Variants in CBL observed in about 807,000 individuals in gnomAD.
CBL encodes the protein Cbl proto-oncogene, also known as E3 ubiquitin-protein ligase CBL.
In CBL, 45 loss-of-function variants were observed where a neutral mutation model predicts 96.9. The observed-to-expected ratio is 0.46, with a 90% CI of 0.37 to 0.60. The LOEUF (loss-of-function observed/expected upper bound fraction) is 0.60. Ranked by LOEUF, CBL falls within the 20% of genes least tolerant of loss-of-function variation. The probability of loss-of-function intolerance (pLI) is 0.00; values close to 1 mark genes in which losing one functional copy is unlikely to be tolerated. For missense variants in CBL, 1,024 were observed against 1,143.5 expected, an observed-to-expected ratio of 0.90 and a Z score of 1.51; for synonymous variants, 420 against 426.8, an observed-to-expected ratio of 0.98 and a Z score of 0.20.
At chr11:119,259,047 G>A (rs987026621) in intron 2 of CBL, among the ~76,000 whole-genome samples, 7 of 152,136 alleles carry the variant, frequency 4.6e-5, no homozygotes, top group Non-Finnish European at 7.4e-5. Flanking sequence ...TTCAGCTATT[G>A]TAAAAGGGAT....
chr11:119,221,740 C>G (rs1408695965), intron 1 of CBL, among the ~76,000 whole-genome samples: 1 of 148,046 alleles, frequency 6.8e-6, no homozygotes, highest in East Asian at 2.0e-4. Context: ...GCACTCCAGC[C>G]TGGGCAACAG....
chr11:119,229,220 T>A (rs1362994237), intron 1 of CBL, among the ~76,000 whole-genome samples: 3 of 152,204 alleles, frequency 2.0e-5, no homozygotes, highest in Non-Finnish European at 4.4e-5. Flanking sequence ...GACTTACTTT[T>A]GGAATGTAGC....
intron 9 of CBL, among the ~76,000 whole-genome samples, chr11:119,284,031 A>C (rs1480920160): frequency 6.6e-6 from 1 of 151,936 alleles, no homozygotes; most frequent in Admixed American, 6.6e-5. Context: ...ATTCACCTTA[A>C]AAAAATTTTT....
intron 2 of CBL, among the ~76,000 whole-genome samples, chr11:119,244,707 G>A (rs1048707141): frequency 1.3e-5 from 2 of 151,428 alleles, no homozygotes; most frequent in Non-Finnish European, 2.9e-5. Flanking sequence ...TCAACCTCCC[G>A]AGTAGCTGAA....
At chr11:119,293,933 A>C (rs1950046622) in intron 12 of CBL, among the ~76,000 whole-genome samples, 2 of 152,130 alleles carry the variant, frequency 1.3e-5, no homozygotes, top group South Asian at 4.1e-4. Flanking sequence ...GCCCATTGAG[A>C]CTACTTTAAA....
rs961211848 is a variant in CBL, at chr11:119,265,062, A to G, written c.444-6673A>G. Among the ~76,000 whole-genome samples the G allele has an allele frequency of 8.0e-5, 12 of 150,260 alleles. No homozygotes were observed. In the South Asian group the frequency reaches 2.1e-3, roughly 27 times the overall value. The stretch of plus-strand genomic sequence containing the variant: ...TGGCTAATTTTTTTGCATTTTTTGT[A>G]TAGATGGGGGGTCTCACTATATTGC... On this transcript the variant is annotated intron_variant, in intron 2 of 15. Coordinates refer to ENST00000264033, the MANE Select transcript of CBL (RefSeq NM_005188.4).
At chr11:119,239,642 C>T (rs1377103083) in intron 2 of CBL, among the ~76,000 whole-genome samples, 1 of 152,116 alleles carries the variant, frequency 6.6e-6, no homozygotes, top group Non-Finnish European at 1.5e-5. Context: ...TCAGGAGTGG[C>T]CATCTTTGTC....
chr11:119,245,960 T>C (rs1326310408), intron 2 of CBL, among the ~76,000 whole-genome samples: 10 of 37,464 alleles, frequency 2.7e-4, no homozygotes, highest in Admixed American at 6.8e-4. Context: ...GCAAATCTTT[T>C]TTTTTTTTTT....
chr11:119,279,659 A>C (rs892708173), intron 9 of CBL, among the ~76,000 whole-genome samples: 1 of 152,140 alleles, frequency 6.6e-6, no homozygotes, highest in African/African-American at 2.4e-5. Context: ...CTCATAAATA[A>C]ATAGTAATTG....
chr11:119,302,322 C>T lies in CBL; in HGVS notation c.*2541C>T. The T allele has an allele frequency of 4.3e-6, 1 of 232,806 alleles. No individual in the cohort carries two copies. 14.4% of individuals were successfully genotyped at this position (232,806 alleles called of 1,614,324 possible). A position where few individuals can be genotyped will look rare whatever the true frequency, so the allele number is the denominator to read the frequency against. On this transcript the variant is annotated 3_prime_UTR_variant, in exon 16 of 16. Transcript: ENST00000264033. ...AAGATTAAGGAAAGTTTTCATGTGG[C>T]TTTTGTTTTGAGGTTATTCTCAAAA...
chr11:119,232,777 T>G, intron 2 of CBL, 82 bp downstream of exon 2: 1 of 1,339,028 alleles, frequency 7.5e-7, no homozygotes. Context: ...TTGAGTTGGT[T>G]TTAATTTTAT....
chr11:119,206,689 G>C, intron 1 of CBL, 77 bp downstream of exon 1: 1 of 1,430,950 alleles, frequency 7.0e-7, no homozygotes, highest in Non-Finnish European at 9.4e-7. Context: ...CGAGCGGACG[G>C]AGGAAGCGGG....
chr11:119,247,228 A>G (rs1397665050), intron 2 of CBL, among the ~76,000 whole-genome samples: 5 of 152,206 alleles, frequency 3.3e-5, no homozygotes, highest in Non-Finnish European at 7.3e-5. Flanking sequence ...TAATAACTTG[A>G]TGGTGAAAGA....
intron 2 of CBL, among the ~76,000 whole-genome samples, chr11:119,271,020 AG>A (rs1287535180): frequency 1.3e-5 from 2 of 152,234 alleles, no homozygotes; most frequent in East Asian, 3.8e-4. Context: ...AAGGAAGAGG[AG>A]TTTGGGTAAA....
At chr11:119,216,725 A>G (rs1384837188) in intron 1 of CBL, among the ~76,000 whole-genome samples, 1 of 152,158 alleles carries the variant, frequency 6.6e-6, no homozygotes, top group Non-Finnish European at 1.5e-5. Context: ...GAGAAAACCA[A>G]AAACAATTTA....
Position 119,306,409 on chromosome 11 carries a change from T to C in CBL, c.*6628T>C, listed in dbSNP as rs893822763. On this transcript the variant is annotated 3_prime_UTR_variant, in exon 16 of 16. Transcript: ENST00000264033. ...AGGCCCCGCCCCCTCCCCACCAACA[T>C]TGCCTCTCCTACATTCTCCTTCTGC... is the stretch of plus-strand genomic sequence containing the variant. 4 of 377,956 alleles carry C rather than the reference T, an allele frequency of 1.1e-5. No homozygotes were observed. The highest frequency in any genetic ancestry group is 1.9e-5 in the Non-Finnish European group (4 of 213,772). The allele number at this position is 377,956 out of a possible 1,614,324, so 23.4% of individuals were successfully genotyped here.
chr11:119,266,376 T>C (rs748740302), intron 2 of CBL, among the ~76,000 whole-genome samples: 1 of 152,226 alleles, frequency 6.6e-6, no homozygotes, highest in Non-Finnish European at 1.5e-5. Flanking sequence ...CCTGTCTTGC[T>C]TAAGATGGTG....
chr11:119,225,869 C>T (rs542750260), intron 1 of CBL, among the ~76,000 whole-genome samples: 3 of 151,664 alleles, frequency 2.0e-5, no homozygotes, highest in African/African-American at 4.8e-5. Flanking sequence ...CTAGGATTAC[C>T]GGCATGTGCC....
intron 2 of CBL, among the ~76,000 whole-genome samples, chr11:119,254,747 G>A (rs1949697823): frequency 6.6e-6 from 1 of 152,020 alleles, no homozygotes; most frequent in Non-Finnish European, 1.5e-5. Context: ...GATTACAGGT[G>A]TGCACCACCA....
Sources: allele counts gnomAD v4.1 joint callset (sites outside exome capture counted in the v4.1 genomes callset), GRCh38; gene constraint gnomAD v4.1.1; transcripts MANE v1.5; gene names NCBI Gene and HGNC (gene_info 2026-07-23, HGNC 2026-07-21).